PRRC2A: variants seen among roughly 807,000 people sequenced by gnomAD.
PRRC2A encodes proline rich coiled-coil 2A.
In PRRC2A, 59 loss-of-function variants were observed where a neutral mutation model predicts 224.6. The ratio of observed to expected loss-of-function variants is 0.26; its 90% CI spans 0.21 to 0.33. The LOEUF (loss-of-function observed/expected upper bound fraction) is 0.33. PRRC2A is among the 10% of genes least tolerant of loss of function. PRRC2A has a pLI of 1.00. For missense variants in PRRC2A, 3,095 were observed against 2,880.7 expected (o/e 1.07, Z -1.70); for synonymous variants, 1,194 against 1,109.5 (o/e 1.08, Z -1.51).
rs1309319545 is a variant in PRRC2A at position 31,631,590 on chromosome 6, G to A, written c.2917G>A (p.Asp973Asn). Residue 973 changes from aspartate to asparagine, a missense_variant, in exon 16 of 31, where the codon GAT (aspartate) becomes AAT (asparagine). Physicochemically the swap from Asp to Asn is conservative, Grantham distance 23. Transcript: ENST00000376033. This position sits in a 1 kb window ranked among gnomAD's most constrained non-coding sequence, Gnocchi z 4.5. ...GCCTCCCAAGCCCCTCGAACAGGGGGATGAAACCCCCAAACCCCCAAAGCC... is the reference window on the plus strand; with the variant it reads ...GCCTCCCAAGCCCCTCGAACAGGGGAATGAAACCCCCAAACCCCCAAAGCC... ...ELPPKPLEQG[D>N]ETPKPPKPDP... is the part of the protein sequence containing the mutation. 1.3e-6 allele frequency: 2 copies of A among 1,560,354 alleles called. No individual in the cohort carries two copies. Among genetic ancestry groups the A allele is most frequent in the African/African-American group, 1.4e-5 (1 of 72,314 alleles).
At chr6:31,626,914 G>T (rs758078728) in intron 10 of PRRC2A, 52 bp downstream of exon 10, 19 of 1,612,112 alleles carry the variant, frequency 1.2e-5, no homozygotes, top group Admixed American at 1.7e-5. Context: ...TTTGTATTTT[G>T]GTAATATACT....
In PRRC2A at chr6:31,625,663, A is replaced by G. The variant is rs375274266; in HGVS notation, c.759+52A>G. 12 of 1,604,256 alleles carry G rather than the reference A, an allele frequency of 7.5e-6. No homozygotes were observed. The highest frequency in any genetic ancestry group is 6.8e-6 in the Non-Finnish European group (8 of 1,172,590). ...CGATTACACTGGAAGCTGGAGAGCT[A>G]GGAATCAGGACTTAGTCTTTGACCT... On this transcript the variant is annotated intron_variant, in intron 7 of 30. Coordinates refer to ENST00000376033, the MANE Select transcript of PRRC2A (RefSeq NM_004638.4). This position sits in a 1 kb window ranked among gnomAD's most constrained non-coding sequence, Gnocchi z 4.1.
Position 31,627,631 on chromosome 6 carries a change from C to A in PRRC2A, c.1291-134C>A. On this transcript the variant is annotated intron_variant, in intron 11 of 30. Transcript: ENST00000376033. The surrounding 1 kb of genome is among the most constrained non-coding windows in gnomAD (Gnocchi z 5.6). ...GAAGACCAGGATAATGAGTTTGTCA[C>A]CACCCAGAGAGATCAACCCCAAAGC... 1 of 1,161,644 alleles carries A rather than the reference C, an allele frequency of 8.6e-7. No individual in the cohort carries two copies. The highest frequency in any genetic ancestry group is 1.2e-6 in the Non-Finnish European group (1 of 840,840). 72.0% of individuals were successfully genotyped at this position (1,161,644 alleles called of 1,614,324 possible). A position where few individuals can be genotyped will look rare whatever the true frequency, so the allele number is the denominator to read the frequency against.
Position 31,632,706 on chromosome 6 carries a change from C to T in PRRC2A, c.4033C>T (p.Leu1345=), listed in dbSNP as rs774379454. 9 of 1,613,138 alleles carry T rather than the reference C, an allele frequency of 5.6e-6. No homozygotes were observed. The South Asian group carries it at 7.7e-5, about 14-fold the overall frequency. ...GGACAAAGAGGCACCCCCACCAGTA[C>T]TGCTGACACCCAAGGCTGTGGGAAC... is the stretch of plus-strand genomic sequence containing the variant. ...RGDKEAPPPV[L]LTPKAVGTPG... The change falls in exon 16 of 31, where the codon CTG becomes TTG. Residue 1345 remains leucine (L), a synonymous_variant. Transcript: ENST00000376033.
In PRRC2A at chr6:31,625,341, A is replaced by G. The variant is rs756758833; in HGVS notation, c.607+27A>G. On this transcript the variant is annotated intron_variant, in intron 6 of 30. Coordinates refer to ENST00000376033, the MANE Select transcript of PRRC2A (RefSeq NM_004638.4). This position sits in a 1 kb window ranked among gnomAD's most constrained non-coding sequence, Gnocchi z 4.1. ...TGAGTGGCTGCCTTTTGGCCAAGAC[A>G]TTACCTATTGCATCTCAGAGCTAGG... 6.2e-7 allele frequency: 1 copy of G among 1,613,986 alleles called. No homozygotes were observed. Among genetic ancestry groups the G allele is most frequent in the African/African-American group, 1.3e-5 (1 of 74,934 alleles).
Position 31,624,363 on chromosome 6 carries a change from A to C in PRRC2A, c.390+3A>C. 1 of 1,613,294 alleles carries C rather than the reference A, an allele frequency of 6.2e-7. No individual in the cohort carries two copies. The highest frequency in any genetic ancestry group is 8.5e-7 in the Non-Finnish European group (1 of 1,179,238). ...AACGACCCCCAGCAGCCCCCGAGGT[A>C]CCTGGAGAACTGGAGGGGTGGGGAG... On this transcript the variant is annotated splice_donor_region_variant and intron_variant, in intron 4 of 30. Coordinates refer to ENST00000376033, the MANE Select transcript of PRRC2A (RefSeq NM_004638.4).
chr6:31,627,316 G>A lies in PRRC2A; in HGVS notation c.1290+118G>A, dbSNP rs963980143. On this transcript the variant is annotated intron_variant, in intron 11 of 30. Coordinates refer to ENST00000376033, the MANE Select transcript of PRRC2A (RefSeq NM_004638.4). This position sits in a 1 kb window ranked among gnomAD's most constrained non-coding sequence, Gnocchi z 5.6. ...GTGCTAAAAATGGGCTGTGTGAAGT[G>A]CCAGGCTGCAGAACATCCTGGGAAG... is the stretch of plus-strand genomic sequence containing the variant. The A allele has an allele frequency of 4.1e-6, 3 of 734,980 alleles. No individual in the cohort carries two copies. Among genetic ancestry groups the A allele is most frequent in the African/African-American group, 1.8e-5 (1 of 56,226 alleles). The allele number at this position is 734,980 out of a possible 1,614,324, so 45.5% of individuals were successfully genotyped here. A position where few individuals can be genotyped will look rare whatever the true frequency, so the allele number is the denominator to read the frequency against.
intron 21 of PRRC2A, 39 bp downstream of exon 21, chr6:31,635,016 A>T (rs768040308): frequency 7.5e-5 from 120 of 1,603,852 alleles, no homozygotes; most frequent in Non-Finnish European, 9.9e-5. Context: ...TGTTTCCAGG[A>T]ATCTGACTTT....
chr6:31,623,698 G>A (rs1247148494), intron 2 of PRRC2A, 34 bp from the exon 3 acceptor site: 1 of 1,608,654 alleles, frequency 6.2e-7, no homozygotes, highest in South Asian at 1.1e-5. Context: ...CCCACATGAG[G>A]CATTTTCGAC....
chr6:31,632,383 G>T lies in PRRC2A; in HGVS notation c.3710G>T (p.Gly1237Val). 6.2e-7 allele frequency: 1 copy of T among 1,612,148 alleles called. No individual in the cohort carries two copies. Among genetic ancestry groups the T allele is most frequent in the Non-Finnish European group, 8.5e-7 (1 of 1,179,138 alleles). ...NGGSNVGMED[G>V]ERPRRRRHGR... is the part of the protein sequence containing the mutation. ...GGTAGCAATGTGGGCATGGAAGATG[G>T]GGAGCGACCCCGAAGGAGGCGACAT... The change falls in exon 16 of 31, where the codon GGG (glycine) becomes GTG (valine). Residue 1237 changes from glycine (G) to valine (V), a missense_variant. Gly to Val is a moderately radical substitution (Grantham distance 109, BLOSUM62 -3). Around this residue, in one of 8 missense-constraint regions of PRRC2A, gnomAD observed 2,001 missense variants for 1,764.9 expected, o/e 1.13. Coordinates refer to ENST00000376033, the MANE Select transcript of PRRC2A (RefSeq NM_004638.4).
chr6:31,630,765 T>C lies in PRRC2A; in HGVS notation c.2429T>C (p.Leu810Pro). 6.2e-7 allele frequency: 1 copy of C among 1,614,128 alleles called. No individual in the cohort carries two copies. The highest frequency in any genetic ancestry group is 8.5e-7 in the Non-Finnish European group (1 of 1,180,022). ...PAEPRPLTSP[L>P]RQAADEDDKG... ...GAACCCCGCCCACTTACCTCACCTC[T>C]GCGCCAGGCTGCGGATGAGGATGAC... Residue 810 changes from leucine (L) to proline (P), a missense_variant, in exon 15 of 31, where the codon CTG (leucine) becomes CCG (proline). Around this residue, in one of 8 missense-constraint regions of PRRC2A, gnomAD observed 2,001 missense variants for 1,764.9 expected, o/e 1.13. Coordinates refer to ENST00000376033, the MANE Select transcript of PRRC2A (RefSeq NM_004638.4).
At chr6:31,628,625 T>C in intron 12 of PRRC2A, 1 of 264,018 alleles carries the variant, frequency 3.8e-6, no homozygotes, top group Non-Finnish European at 7.2e-6. Flanking sequence ...GGGCAGAACA[T>C]GAGGTCAGGA....
rs1453904324 is a variant in PRRC2A, at chr6:31,632,257, A to G, written c.3584A>G (p.Lys1195Arg). ...WSPPAKSLAP[K>R]KPPTGPLPPS... ...CCTCCAGCCAAGTCTCTGGCTCCCA[A>G]GAAACCTCCCACAGGCCCTTTGCCA... Residue 1195 changes from lysine (K) to arginine (R), a missense_variant, in exon 16 of 31, where the codon AAG becomes AGG. Lys to Arg is a conservative substitution (Grantham distance 26, BLOSUM62 2). This residue lies in a region of PRRC2A where 2,001 missense variants were observed against 1,764.9 expected (regional missense o/e 1.13). Transcript: ENST00000376033. 4 of 1,612,884 alleles carry G rather than the reference A, an allele frequency of 2.5e-6. No individual in the cohort carries two copies. The highest frequency in any genetic ancestry group is 1.1e-5 in the South Asian group (1 of 91,090).
chr6:31,623,962 A>G lies in PRRC2A; in HGVS notation c.290+53A>G. On this transcript the variant is annotated intron_variant, in intron 3 of 30. Transcript: ENST00000376033. Reference sequence around the variant, plus strand: ...TGATGGGTATTTTAACTTGAACTTCAGGGAGCATTGGGGCTTGGTTTAGTC... The same window carrying G: ...TGATGGGTATTTTAACTTGAACTTCGGGGAGCATTGGGGCTTGGTTTAGTC... The G allele has an allele frequency of 3.1e-6, 5 of 1,592,300 alleles. No homozygotes were observed. In the South Asian group the frequency reaches 5.6e-5, roughly 18 times the overall value.
Position 31,633,479 on chromosome 6 carries a change from G to A in PRRC2A, c.4420G>A (p.Ala1474Thr), listed in dbSNP as rs781022346. Residue 1474 changes from alanine (A) to threonine (T), a missense_variant, in exon 17 of 31, where the codon GCT (alanine) becomes ACT (threonine). Transcript: ENST00000376033. Reference sequence around the variant, plus strand: ...GGACCAAGTTATCCACAGCAACCCTGCTGGCATCCAACAGGCTCTGGCCCA... The same window carrying A: ...GGACCAAGTTATCCACAGCAACCCTACTGGCATCCAACAGGCTCTGGCCCA... The part of the protein sequence containing the change: ...RLDQVIHSNP[A>T]GIQQALAQLS... The A allele has an allele frequency of 3.1e-6, 5 of 1,612,976 alleles. No individual in the cohort carries two copies. In the South Asian group the frequency reaches 5.5e-5, roughly 18 times the overall value.
chr6:31,630,870 T>G, intron 15 of PRRC2A, 69 bp downstream of exon 15: 1 of 1,551,562 alleles, frequency 6.4e-7, no homozygotes, highest in Admixed American at 1.9e-5. Flanking sequence ...AAAGGTACTT[T>G]GGGTTAGTGG....
Position 31,629,675 on chromosome 6 carries a change from C to T in PRRC2A, c.2084C>T (p.Ala695Val). The change falls in exon 14 of 31, where the codon GCT (alanine) becomes GTT (valine). Residue 695 changes from alanine to valine, a missense_variant. Transcript: ENST00000376033. ...VTLGAVPAPQ[A>V]PPPPPKALYP... ...CTGGGGGCTGTGCCAGCTCCACAGG[C>T]TCCACCCCCGCCCCCCAAGGCCCTG... 1 of 1,607,498 alleles carries T rather than the reference C, an allele frequency of 6.2e-7. No homozygotes were observed. Among genetic ancestry groups the T allele is most frequent in the Admixed American group, 1.7e-5 (1 of 59,634 alleles).
chr6:31,622,787 G>C lies in PRRC2A; in HGVS notation c.-3G>C. The C allele has an allele frequency of 6.2e-7, 1 of 1,611,328 alleles. No homozygotes were observed. Among genetic ancestry groups the C allele is most frequent in the Non-Finnish European group, 8.5e-7 (1 of 1,178,798 alleles). Reference sequence around the variant, plus strand: ...CCAACATACTCAATGAGCTTCCAGCGCAATGTCCGATCGCTCGGGGCCGAC... The same window carrying C: ...CCAACATACTCAATGAGCTTCCAGCCCAATGTCCGATCGCTCGGGGCCGAC... On this transcript the variant is annotated 5_prime_UTR_variant, in exon 2 of 31. Coordinates refer to ENST00000376033, the MANE Select transcript of PRRC2A (RefSeq NM_004638.4).
Position 31,636,461 on chromosome 6 carries a change from G to A in PRRC2A, c.5835+42G>A, listed in dbSNP as rs767404697. ...TATTAGATATTGGGGGATAGGGTAG[G>A]GAGAATGATTTTGTGGGGGTTGATA... On this transcript the variant is annotated intron_variant, in intron 26 of 30. Coordinates refer to ENST00000376033, the MANE Select transcript of PRRC2A (RefSeq NM_004638.4). The surrounding 1 kb of genome is among the most constrained non-coding windows in gnomAD (Gnocchi z 4.3). The A allele has an allele frequency of 6.2e-7, 1 of 1,610,448 alleles. No homozygotes were observed. The highest frequency in any genetic ancestry group is 8.5e-7 in the Non-Finnish European group (1 of 1,177,926).
Sources: gnomAD v4.1 joint callset for allele counts on GRCh38, gnomAD v4.1.1 for gene constraint, gnomAD v4.1.1 regional missense constraint, Gnocchi (gnomAD v3.1) non-coding constraint, MANE v1.5 for transcripts, NCBI Gene and HGNC (gene_info 2026-07-23, HGNC 2026-07-21) for gene names.